Variants in DACH2 observed in about 807,000 individuals in gnomAD.
DACH2 encodes dachshund family transcription factor 2, also known as dachshund homolog 2.
DACH2 carries 17 observed loss-of-function variants against 35.8 expected under a neutral mutation model. That is an observed-to-expected ratio of 0.48 (90% CI 0.33 to 0.71). The LOEUF (loss-of-function observed/expected upper bound fraction) is 0.71. Ranked by LOEUF, DACH2 falls within the 30% of genes least tolerant of loss-of-function variation. The pLI, the probability that DACH2 is intolerant of heterozygous loss-of-function variation, is 0.02. For missense variants in DACH2, 469 were observed against 472.7 expected (o/e 0.99, Z 0.07); for synonymous variants, 195 against 177.3 (o/e 1.10, Z -0.79).
At chrX:86,159,411 G>A (rs1261149028) in intron 1 of DACH2, among the ~76,000 whole-genome samples, 1 of 111,417 alleles carries the variant, frequency 9.0e-6, no homozygotes, top group Non-Finnish European at 1.9e-5. Context: ...AAAATATCCT[G>A]TAATCTGCTA....
Position 86,832,336 on chromosome X carries a change from A to ACTT in DACH2, c.*182_*184dup, listed in dbSNP as rs762694034. On this transcript the variant is annotated 3_prime_UTR_variant, in exon 12 of 12. Coordinates refer to ENST00000373125, the MANE Select transcript of DACH2 (RefSeq NM_053281.3). ...GTACATTTTAAAAGCAATGATGTAA[A>ACTT]CTTTGTTCTTGCATTAGACTGACCA... The ACTT allele has an allele frequency of 4.7e-5, 20 of 421,957 alleles. 1 individual carries two copies. The highest frequency in any genetic ancestry group is 4.6e-4 in the African/African-American group (18 of 39,339). 34.8% of individuals were successfully genotyped at this position (421,957 alleles called of 1,213,427 possible).
intron 3 of DACH2, among the ~76,000 whole-genome samples, chrX:86,534,657 C>T (rs2038771314): frequency 9.0e-6 from 1 of 111,531 alleles, no homozygotes; most frequent in Admixed American, 9.5e-5. Flanking sequence ...ACCTAGTATT[C>T]TCTTTCATTT....
intron 2 of DACH2, among the ~76,000 whole-genome samples, chrX:86,422,533 T>A (rs767916751): frequency 1.4e-4 from 15 of 110,307 alleles, no homozygotes; most frequent in South Asian, 1.1e-3. Context: ...TTTTAAAAAA[T>A]TTTTTTGTGG....
intron 6 of DACH2, among the ~76,000 whole-genome samples, chrX:86,729,026 AC>A (rs2041502283): frequency 8.9e-6 from 1 of 111,909 alleles, no homozygotes. Context: ...GGGCTCTGAG[AC>A]CCCAGAATGG....
chrX:86,228,963 A>G (rs913386310), intron 1 of DACH2, among the ~76,000 whole-genome samples: 1 of 111,560 alleles, frequency 9.0e-6, no homozygotes, highest in Non-Finnish European at 1.9e-5. Context: ...AAAACTCTTT[A>G]GTTTAATTAG....
intron 11 of DACH2, among the ~76,000 whole-genome samples, chrX:86,819,693 T>G (rs2042489729): frequency 8.9e-6 from 1 of 111,833 alleles, no homozygotes; most frequent in East Asian, 2.8e-4. Context: ...TGACAAGTGA[T>G]TTCATTACAT....
intron 3 of DACH2, among the ~76,000 whole-genome samples, chrX:86,598,793 C>A (rs6623730): frequency 2.1e-5 from 2 of 95,064 alleles, no homozygotes; most frequent in East Asian, 3.6e-4. Flanking sequence ...TCTTAGTTTT[C>A]TTTTCTTTTT....
chrX:86,573,524 G>T lies in DACH2; in HGVS notation c.640+59133G>T, dbSNP rs187502879. Among the ~76,000 whole-genome samples, 369 of 111,437 alleles carry T rather than the reference G, an allele frequency of 3.3e-3. 1 individual carries two copies. Among genetic ancestry groups the T allele is most frequent in the Middle Eastern group, 0.014 (3 of 217 alleles). ...CTAGAAGCCATAGAGATAGTTCATT[G>T]CTTGGCCTAGACCCATGCTACTGAC... On this transcript the variant is annotated intron_variant, in intron 3 of 11. Coordinates refer to ENST00000373125, the MANE Select transcript of DACH2 (RefSeq NM_053281.3).
chrX:86,739,980 ACC>A (rs2041637116), intron 7 of DACH2, 98 bp downstream of exon 7: 3 of 835,788 alleles, frequency 3.6e-6, no homozygotes, highest in Non-Finnish European at 3.3e-6. Flanking sequence ...GGAAGCTGAT[ACC>A]TCCTTAATAT....
chrX:86,223,036 C>T (rs1418184970), intron 1 of DACH2, among the ~76,000 whole-genome samples: 1 of 111,553 alleles, frequency 9.0e-6, no homozygotes, highest in Non-Finnish European at 1.9e-5. Flanking sequence ...GCAATGTAAA[C>T]CTGCCTCAAA....
Position 86,380,145 on chromosome X carries a change from C to T in DACH2, c.527+3283C>T, listed in dbSNP as rs1300519368. Among the ~76,000 whole-genome samples the T allele has an allele frequency of 3.6e-5, 4 of 110,510 alleles. No homozygotes were observed. The South Asian group carries it at 1.5e-3, about 41-fold the overall frequency. On this transcript the variant is annotated intron_variant, in intron 2 of 11. Coordinates refer to ENST00000373125, the MANE Select transcript of DACH2 (RefSeq NM_053281.3). ...ATAATAATATTTAACATTTATCAAA[C>T]GTGAGTTCAGGTGATTTTTCACATA...
intron 2 of DACH2, among the ~76,000 whole-genome samples, chrX:86,404,773 C>T (rs767577185): frequency 8.9e-6 from 1 of 112,539 alleles, no homozygotes; most frequent in Non-Finnish European, 1.9e-5. Context: ...CCCCACATTT[C>T]CTTTCTGCAC....
rs767557876 is a variant in DACH2, at chrX:86,148,885, A to G, written c.265A>G (p.Ile89Val). 1 of 1,211,235 alleles carries G rather than the reference A, an allele frequency of 8.3e-7. No individual in the cohort carries two copies. Among genetic ancestry groups the G allele is most frequent in the Non-Finnish European group, 1.1e-6 (1 of 895,458 alleles). Residue 89 changes from isoleucine to valine, a missense_variant, in exon 1 of 12, where the codon ATC becomes GTC. Around this residue, in one of 3 missense-constraint regions of DACH2, gnomAD observed 99 missense variants for 114.3 expected, o/e 0.87. Coordinates refer to ENST00000373125, the MANE Select transcript of DACH2 (RefSeq NM_053281.3). ...ASFLMDGQEL[I>V]CLPQVFDLFL... The stretch of plus-strand genomic sequence containing the variant: ...GTTCCTGATGGACGGCCAGGAACTG[A>G]TCTGCCTGCCGCAAGTCTTTGATCT...
rs761334767 is a variant in DACH2 at position 86,827,276 on chromosome X, G to T, written c.1751-4830G>T. Reference sequence around the variant, plus strand: ...CATTGTGGTCATTAGCAAAGATTTTGACTCACAAAAAACAGGATAGGCCTT... The same window carrying T: ...CATTGTGGTCATTAGCAAAGATTTTTACTCACAAAAAACAGGATAGGCCTT... On this transcript the variant is annotated intron_variant, in intron 11 of 11. Transcript: ENST00000373125. Among the ~76,000 whole-genome samples, 12 of 111,909 alleles carry T rather than the reference G, an allele frequency of 1.1e-4. No homozygotes were observed. The South Asian group carries it at 4.1e-3, about 38-fold the overall frequency.
At chrX:86,185,441 C>G (rs1270380113) in intron 1 of DACH2, among the ~76,000 whole-genome samples, 1 of 111,312 alleles carries the variant, frequency 9.0e-6, no homozygotes, top group African/African-American at 3.3e-5. Context: ...GGGCTAACTT[C>G]AGGCTGTAAT....
chrX:86,393,372 A>G (rs1191225558), intron 2 of DACH2, among the ~76,000 whole-genome samples: 1 of 112,138 alleles, frequency 8.9e-6, no homozygotes, highest in Non-Finnish European at 1.9e-5. Flanking sequence ...TTTATCCATC[A>G]TTGTATTCCC....
intron 2 of DACH2, among the ~76,000 whole-genome samples, chrX:86,421,762 G>A (rs2036806636): frequency 1.8e-5 from 2 of 111,038 alleles, no homozygotes; most frequent in South Asian, 7.5e-4. Context: ...TTATATTGTT[G>A]GAATGCTACT....
chrX:86,785,315 C>T (rs188692475), intron 7 of DACH2, among the ~76,000 whole-genome samples: 2 of 110,416 alleles, frequency 1.8e-5, no homozygotes, highest in East Asian at 5.8e-4. Flanking sequence ...AATAATAAGC[C>T]TATAGATTGT....
chrX:86,438,385 G>A (rs755157096), intron 2 of DACH2, among the ~76,000 whole-genome samples: 13 of 109,708 alleles, frequency 1.2e-4, no homozygotes, highest in Admixed American at 2.0e-4. Flanking sequence ...CATCACGCCC[G>A]GCTAATTTTT....
Sources: gnomAD v4.1 joint callset for allele counts (sites outside exome capture counted in the v4.1 genomes callset) on GRCh38, gnomAD v4.1.1 for gene constraint, gnomAD v4.1.1 regional missense constraint, MANE v1.5 for transcripts, NCBI Gene and HGNC (gene_info 2026-07-23, HGNC 2026-07-21) for gene names.